PTPRD: variants seen among roughly 807,000 people sequenced by gnomAD.
PTPRD encodes the protein receptor-type tyrosine-protein phosphatase delta.
A neutral mutation model predicts 214.5 loss-of-function variants in PTPRD; 34 were observed. That is an observed-to-expected ratio of 0.16 (90% CI 0.12 to 0.21). The LOEUF (loss-of-function observed/expected upper bound fraction) is 0.21, where lower values mean the gene tolerates loss of function less well. Ranked by LOEUF, PTPRD falls within the 10% of genes least tolerant of loss-of-function variation. The probability of loss-of-function intolerance (pLI) is 1.00; values close to 1 mark genes in which losing one functional copy is unlikely to be tolerated. For missense variants in PTPRD, 2,545 were observed against 2,398.7 expected, an observed-to-expected ratio of 1.06 and a Z score of -1.27; for synonymous variants, 1,128 against 845.7, an observed-to-expected ratio of 1.33 and a Z score of -5.79.
At chr9:8,367,393 C>T (rs1297247096) in intron 39 of PTPRD, among the ~76,000 whole-genome samples, 1 of 151,962 alleles carries the variant, frequency 6.6e-6, no homozygotes, top group Non-Finnish European at 1.5e-5. Context: ...TTTATTGTAA[C>T]AATGTGGGGG....
At chr9:10,490,387 G>A (rs996598803) in intron 2 of PTPRD, among the ~76,000 whole-genome samples, 1 of 152,072 alleles carries the variant, frequency 6.6e-6, no homozygotes, top group African/African-American at 2.4e-5. Flanking sequence ...AAAAGACAGT[G>A]TTCATAAAAA....
At chr9:10,351,085 G>C (rs934159551) in intron 2 of PTPRD, among the ~76,000 whole-genome samples, 2 of 152,058 alleles carry the variant, frequency 1.3e-5, no homozygotes, top group Non-Finnish European at 2.9e-5. Flanking sequence ...AAAAAGAGAA[G>C]TCATGATACA....
intron 2 of PTPRD, among the ~76,000 whole-genome samples, chr9:10,387,703 G>A (rs552485660): frequency 6.6e-6 from 1 of 151,028 alleles, no homozygotes; most frequent in South Asian, 2.1e-4. Flanking sequence ...AGCTTCAAGA[G>A]GACTCACCTT....
chr9:8,385,325 G>A (rs2135443964), intron 37 of PTPRD, among the ~76,000 whole-genome samples: 1 of 152,294 alleles, frequency 6.6e-6, no homozygotes, highest in South Asian at 2.1e-4. Context: ...CCAGGAGTTT[G>A]AGACCAGCCT....
chr9:9,206,625 G>C (rs1367710450), intron 9 of PTPRD, among the ~76,000 whole-genome samples: 1 of 152,172 alleles, frequency 6.6e-6, no homozygotes, highest in Admixed American at 6.5e-5. Flanking sequence ...GAATAAAGCA[G>C]ACAAAAGAAG....
chr9:8,684,415 G>T (rs2097631255), intron 12 of PTPRD, among the ~76,000 whole-genome samples: 1 of 151,918 alleles, frequency 6.6e-6, no homozygotes, highest in Non-Finnish European at 1.5e-5. Context: ...AACCAAGATT[G>T]GAACCCAAGT....
At chr9:8,526,697 GAGA>G in intron 16 of PTPRD, 53 bp from the exon 17 acceptor site, 1 of 1,451,764 alleles carries the variant, frequency 6.9e-7, no homozygotes, top group Non-Finnish European at 9.4e-7. Flanking sequence ...GCATTAGTAC[GAGA>G]AGAAGGAGGC....
At chr9:10,429,843 G>A (rs1006403206) in intron 2 of PTPRD, among the ~76,000 whole-genome samples, 1 of 151,824 alleles carries the variant, frequency 6.6e-6, no homozygotes, top group Non-Finnish European at 1.5e-5. Flanking sequence ...CACAACTGTA[G>A]GAAGTAAGTA....
chr9:9,376,838 A>G (rs1569567814), intron 9 of PTPRD, among the ~76,000 whole-genome samples: 2 of 152,130 alleles, frequency 1.3e-5, no homozygotes, highest in Non-Finnish European at 2.9e-5. Context: ...ATAAAACATA[A>G]TGTGGAAAAT....
chr9:8,915,263 C>G (rs1195334452), intron 11 of PTPRD, among the ~76,000 whole-genome samples: 1 of 152,086 alleles, frequency 6.6e-6, no homozygotes, highest in Non-Finnish European at 1.5e-5. Flanking sequence ...AATCCACTTC[C>G]ACTAGCCACA....
At chr9:8,998,829 G>C (rs2099407076) in intron 11 of PTPRD, among the ~76,000 whole-genome samples, 5 of 152,112 alleles carry the variant, frequency 3.3e-5, no homozygotes, top group African/African-American at 1.2e-4. Flanking sequence ...TTAATAGTTT[G>C]AAAGTTAATG....
At chr9:10,340,460 TTTTTG>T (rs1200377308) in intron 3 of PTPRD, among the ~76,000 whole-genome samples, 1 of 151,928 alleles carries the variant, frequency 6.6e-6, no homozygotes, top group South Asian at 2.1e-4. Flanking sequence ...TATTGGTCTC[TTTTTG>T]TTTTTTGTTT....
At chr9:10,276,253 G>C (rs2094683468) in intron 3 of PTPRD, among the ~76,000 whole-genome samples, 1 of 152,124 alleles carries the variant, frequency 6.6e-6, no homozygotes, top group Non-Finnish European at 1.5e-5. Context: ...AGTTTTATTT[G>C]GGAAATGTCA....
At chr9:10,392,616 A>C (rs2098090141) in intron 2 of PTPRD, among the ~76,000 whole-genome samples, 1 of 151,882 alleles carries the variant, frequency 6.6e-6, no homozygotes. Context: ...TACACAATAT[A>C]ATATGGGATT....
At chr9:10,470,473 A>T (rs1353197970) in intron 2 of PTPRD, among the ~76,000 whole-genome samples, 1 of 152,176 alleles carries the variant, frequency 6.6e-6, no homozygotes, top group African/African-American at 2.4e-5. Context: ...AATACATAAA[A>T]TTATGTTTCA....
chr9:10,470,385 C>A (rs1437032909), intron 2 of PTPRD, among the ~76,000 whole-genome samples: 1 of 152,006 alleles, frequency 6.6e-6, no homozygotes, highest in African/African-American at 2.4e-5. Flanking sequence ...ATAAAATTAT[C>A]ATAGTAAATG....
chr9:10,389,834 C>T (rs867956584), intron 2 of PTPRD, among the ~76,000 whole-genome samples: 3 of 151,736 alleles, frequency 2.0e-5, no homozygotes, highest in Non-Finnish European at 4.4e-5. Flanking sequence ...GTCATCTATT[C>T]GAGATCCTTC....
At chr9:10,205,956 G>C (rs903575308) in intron 3 of PTPRD, among the ~76,000 whole-genome samples, 2 of 151,300 alleles carry the variant, frequency 1.3e-5, no homozygotes, top group African/African-American at 4.9e-5. Flanking sequence ...ATCAGATACA[G>C]CCCTGCTCAC....
At chr9:9,544,664 A>G (rs1344334990) in intron 8 of PTPRD, among the ~76,000 whole-genome samples, 1 of 151,704 alleles carries the variant, frequency 6.6e-6, no homozygotes, top group African/African-American at 2.4e-5. Flanking sequence ...CATACAAATT[A>G]AAGTCATACA....
Sources: gnomAD v4.1 joint callset for allele counts (sites outside exome capture counted in the v4.1 genomes callset) on GRCh38, gnomAD v4.1.1 for gene constraint, MANE v1.5 for transcripts, NCBI Gene and HGNC (gene_info 2026-07-23, HGNC 2026-07-21) for gene names.